The following DMD variants were observed in gnomAD, a reference collection of about 807,000 sequenced individuals.
The protein encoded by DMD is mutant dystrophin.
DMD carries 63 observed loss-of-function variants against 330.1 expected under a neutral mutation model. The observed-to-expected ratio is 0.19, with a 90% CI of 0.16 to 0.24. The LOEUF (loss-of-function observed/expected upper bound fraction) is 0.24, where lower values mean the gene tolerates loss of function less well. Ranked by LOEUF, DMD falls within the 10% of genes least tolerant of loss-of-function variation. DMD has a pLI of 1.00. For missense variants in DMD, 3,344 were observed against 2,684.1 expected (o/e 1.25, Z -5.43); for synonymous variants, 1,223 against 959.8 (o/e 1.27, Z -5.07).
At chrX:31,152,679 A>G (rs985840633) in intron 74 of DMD, among the ~76,000 whole-genome samples, 1 of 111,361 alleles carries the variant, frequency 9.0e-6, no homozygotes, top group Non-Finnish European at 1.9e-5. Context: ...GACTACAGGC[A>G]TGTACCACCA....
chrX:32,947,716 C>A (rs772147621), intron 2 of DMD, among the ~76,000 whole-genome samples: 1 of 111,093 alleles, frequency 9.0e-6, no homozygotes, highest in Non-Finnish European at 1.9e-5. Context: ...TGGGAAATTA[C>A]AAAATTAAGG....
chrX:31,818,744 A>C (rs79867216), intron 50 of DMD, among the ~76,000 whole-genome samples: 1 of 80,851 alleles, frequency 1.2e-5, no homozygotes. Flanking sequence ...CCAGATTGAC[A>C]AAAAAAAAAA....
chrX:31,582,571 G>A (rs2076391315), intron 55 of DMD, among the ~76,000 whole-genome samples: 1 of 111,937 alleles, frequency 8.9e-6, no homozygotes, highest in Non-Finnish European at 1.9e-5. Flanking sequence ...AGTTACCGGA[G>A]TTTTCTAGGA....
In DMD at chrX:31,617,387, A is replaced by G. The variant is rs374978313; in HGVS notation, c.8217+10286T>C. 9.6e-4 allele frequency among the ~76,000 whole-genome samples: 106 copies of G among 110,300 alleles called. 1 individual carries two copies. The highest frequency in any genetic ancestry group is 3.2e-3 in the African/African-American group (97 of 30,364). On this transcript the variant is annotated intron_variant, in intron 55 of 78. Transcript: ENST00000357033. ...CTGTCTGTACTAAAAATAAAAAATT[A>G]GCCAGGCATGGTGGAAGGCGCCTCT... is the stretch of plus-strand genomic sequence containing the variant.
chrX:32,939,749 A>G lies in DMD; in HGVS notation c.93+80390T>C, dbSNP rs755211385. ...ATATACAAAAATCAGTAACATTTCT[A>G]CATACCAGTAATTTTCAAGCTAAGC... On this transcript the variant is annotated intron_variant, in intron 2 of 78. Transcript: ENST00000357033. Among the ~76,000 whole-genome samples the G allele has an allele frequency of 4.5e-5, 5 of 111,557 alleles. No individual in the cohort carries two copies. The East Asian group carries it at 1.4e-3, about 31-fold the overall frequency.
At chrX:32,096,874 T>G (rs188942407) in intron 44 of DMD, among the ~76,000 whole-genome samples, 7 of 112,079 alleles carry the variant, frequency 6.2e-5, no homozygotes, top group Admixed American at 9.5e-5. Flanking sequence ...AGATGCCATA[T>G]GTAATGCAGA....
At chrX:33,030,702 A>T (rs1313134938) in intron 1 of DMD, among the ~76,000 whole-genome samples, 1 of 111,963 alleles carries the variant, frequency 8.9e-6, no homozygotes, top group East Asian at 2.8e-4. Context: ...ATATTGTAGC[A>T]GAACTGCTAA....
intron 9 of DMD, among the ~76,000 whole-genome samples, chrX:32,652,448 C>G (rs753854479): frequency 1.4e-4 from 15 of 109,492 alleles, no homozygotes; most frequent in Non-Finnish European, 2.7e-4. Context: ...CATCCATGTC[C>G]CTACAAAGGA....
chrX:31,122,972 T>A (rs1432648627), intron 78 of DMD, among the ~76,000 whole-genome samples: 5 of 111,858 alleles, frequency 4.5e-5, no homozygotes. Context: ...ACTATTCAAG[T>A]ATTGTCTTTG....
At chrX:32,376,754 G>T (rs1162074051) in intron 34 of DMD, among the ~76,000 whole-genome samples, 1 of 109,023 alleles carries the variant, frequency 9.2e-6, no homozygotes, top group African/African-American at 3.3e-5. Flanking sequence ...TTAGATCATT[G>T]TGGAAGGGCT....
chrX:31,954,300 C>G (rs1278080318), intron 45 of DMD, among the ~76,000 whole-genome samples: 1 of 111,576 alleles, frequency 9.0e-6, no homozygotes, highest in East Asian at 2.8e-4. Context: ...TTCTTCTCCT[C>G]CTCACTTTTT....
At chrX:32,915,406 G>A (rs1237331213) in intron 2 of DMD, among the ~76,000 whole-genome samples, 2 of 112,172 alleles carry the variant, frequency 1.8e-5, no homozygotes, top group Non-Finnish European at 3.8e-5. Context: ...CTTACATTTT[G>A]TGATTCAGAC....
chrX:33,282,994 T>G (rs1354161736), intron 1 of DMD, among the ~76,000 whole-genome samples: 2 of 112,384 alleles, frequency 1.8e-5, no homozygotes, highest in Non-Finnish European at 3.8e-5. Context: ...CTAGGTTTTA[T>G]TGTTCTTCTT....
intron 63 of DMD, among the ~76,000 whole-genome samples, chrX:31,230,962 T>A (rs1289862858): frequency 9.0e-6 from 1 of 111,625 alleles, no homozygotes; most frequent in Non-Finnish European, 1.9e-5. Flanking sequence ...AAGCAGTTTC[T>A]GTAACAAATG....
At chrX:31,242,700 A>ATGTGTGTGTGTGTG (rs3138883) in intron 63 of DMD, among the ~76,000 whole-genome samples, 13 of 95,104 alleles carry the variant, frequency 1.4e-4, no homozygotes, top group East Asian at 6.8e-4. Context: ...ACAATAAGAT[A>ATGTGTGTGTGTGTG]TGTGTGTGTG....
chrX:32,298,094 G>C (rs2097505237), intron 42 of DMD, among the ~76,000 whole-genome samples: 2 of 109,512 alleles, frequency 1.8e-5, no homozygotes, highest in Non-Finnish European at 1.9e-5. Flanking sequence ...GGGAGCATTG[G>C]GGGTTTTGAA....
intron 1 of DMD, among the ~76,000 whole-genome samples, chrX:33,157,289 T>G (rs2048551706): frequency 9.0e-6 from 1 of 111,348 alleles, no homozygotes. Flanking sequence ...TTCTTTGGCT[T>G]ATAGACACGT....
chrX:32,706,563 C>A (rs773644754), intron 7 of DMD, among the ~76,000 whole-genome samples: 33 of 108,372 alleles, frequency 3.0e-4, no homozygotes, highest in Non-Finnish European at 5.2e-4. Flanking sequence ...GACTCCATCT[C>A]AAAAAACAAA....
chrX:33,252,411 C>T (rs974431783), intron 1 of DMD, among the ~76,000 whole-genome samples: 3 of 111,411 alleles, frequency 2.7e-5, no homozygotes, highest in Non-Finnish European at 5.7e-5. Context: ...TTATCATTAA[C>T]AGCCACCTAT....
Sources: gnomAD v4.1 joint callset for allele counts (sites outside exome capture counted in the v4.1 genomes callset) on GRCh38, gnomAD v4.1.1 for gene constraint, MANE v1.5 for transcripts, NCBI Gene and HGNC (gene_info 2026-07-23, HGNC 2026-07-21) for gene names.